SLC29A2: variants seen among roughly 807,000 people sequenced by gnomAD.
SLC29A2 encodes solute carrier family 29 member 2.
A neutral mutation model predicts 48.8 loss-of-function variants in SLC29A2; 37 were observed. That is an observed-to-expected ratio of 0.76 (90% CI 0.58 to 1.00). The LOEUF (loss-of-function observed/expected upper bound fraction) is 1.00. Among genes scored for constraint, SLC29A2 ranks in the 50% least tolerant of loss-of-function variants. SLC29A2 has a pLI of 0.00. For missense variants in SLC29A2, 533 were observed against 578.6 expected, an observed-to-expected ratio of 0.92 and a Z score of 0.81; for synonymous variants, 233 against 261.7, an observed-to-expected ratio of 0.89 and a Z score of 1.06.
chr11:66,364,100 C>T (rs776310098), intron 11 of SLC29A2, 125 bp downstream of exon 11: 22 of 822,754 alleles, frequency 2.7e-5, no homozygotes, highest in Non-Finnish European at 3.5e-5. Flanking sequence ...GCAAGGCCTG[C>T]AGACAGCTAG....
At chr11:66,368,180 G>C (rs1335720816) in intron 5 of SLC29A2, among the ~76,000 whole-genome samples, 1 of 152,172 alleles carries the variant, frequency 6.6e-6, no homozygotes, top group Non-Finnish European at 1.5e-5. Context: ...GCACAGAGAG[G>C]TGACAAGCCT....
chr11:66,368,770 G>T, intron 4 of SLC29A2, 99 bp from the exon 5 acceptor site: 1 of 1,494,178 alleles, frequency 6.7e-7, no homozygotes, highest in Non-Finnish European at 9.1e-7. Context: ...TCTGGACAAG[G>T]TTGCGCAGGT....
intron 4 of SLC29A2, 91 bp from the exon 5 acceptor site, chr11:66,368,762 T>C (rs959631878): frequency 1.6e-5 from 24 of 1,517,598 alleles, no homozygotes; most frequent in Non-Finnish European, 2.1e-5. Flanking sequence ...CAGGGGACTC[T>C]GGACAAGGTT....
At chr11:66,364,939 AG>A (rs1462615289) in intron 10 of SLC29A2, 15 of 154,172 alleles carry the variant, frequency 9.7e-5, no homozygotes, top group South Asian at 4.0e-4. Flanking sequence ...CTCGGATTTT[AG>A]GGGTTTTTTT....
chr11:66,369,422 C>T lies in SLC29A2; in HGVS notation c.222G>A (p.Leu74=). The change falls in exon 3 of 12, where the codon CTG becomes CTA. Residue 74 remains leucine (L), a synonymous_variant. Transcript: ENST00000357440. ...AFNFNNWVTL[L]SQLPLLLFTL... The stretch of plus-strand genomic sequence containing the variant: ...TGAAGAGCAGCAGGGGCAGCTGGGA[C>T]AGCAGCGTCACCCAATTGTTGAAGT... 1 of 1,614,098 alleles carries T rather than the reference C, an allele frequency of 6.2e-7. No individual in the cohort carries two copies. The highest frequency in any genetic ancestry group is 1.1e-5 in the South Asian group (1 of 91,086).
rs763071257 is a variant in SLC29A2, at chr11:66,363,400, C to G, written c.*36G>C. On this transcript the variant is annotated 3_prime_UTR_variant, in exon 12 of 12. Transcript: ENST00000357440. ...GGATCTCAGCTCCGGAAGGAGACGT[C>G]GAGAAGAGGCTGCCAAAGAGCCTGG... 2.0e-6 allele frequency: 3 copies of G among 1,512,058 alleles called. No homozygotes were observed. Among genetic ancestry groups the G allele is most frequent in the Non-Finnish European group, 1.8e-6 (2 of 1,088,594 alleles). The allele number at this position is 1,512,058 out of a possible 1,614,324, so 93.7% of individuals were successfully genotyped here. A position where few individuals can be genotyped will look rare whatever the true frequency, so the allele number is the denominator to read the frequency against.
At chr11:66,367,655 G>A (rs1053153591) in intron 6 of SLC29A2, 107 bp from the exon 7 acceptor site, 1 of 1,463,524 alleles carries the variant, frequency 6.8e-7, no homozygotes, top group Non-Finnish European at 9.6e-7. Context: ...GTCTTCTCTG[G>A]GGGTCAGGGC....
chr11:66,371,445 G>A, intron 1 of SLC29A2, 118 bp downstream of exon 1: 1 of 1,502,374 alleles, frequency 6.7e-7, no homozygotes, highest in Non-Finnish European at 9.1e-7. Flanking sequence ...TCCGGCGGCC[G>A]AGGGAGTCGG....
At position 66,371,550 on chromosome 11, in the gene SLC29A2, C is replaced by T. The variant is rs1453635640; in HGVS notation, c.29+13G>A. On this transcript the variant is annotated intron_variant, in intron 1 of 11. Transcript: ENST00000357440. ...CGCCCCCGGCCACTTGCAACGCACC[C>T]GGGCCCACTCACCTGTCCCGCGGGG... 1.3e-6 allele frequency: 2 copies of T among 1,550,134 alleles called. No individual in the cohort carries two copies. The highest frequency in any genetic ancestry group is 1.7e-6 in the Non-Finnish European group (2 of 1,147,624).
Position 66,369,071 on chromosome 11 carries a change from C to G in SLC29A2, c.404G>C (p.Cys135Ser). Residue 135 changes from cysteine to serine, a missense_variant, in exon 4 of 12, where the codon TGC (cysteine) becomes TCC (serine). Cys to Ser is a moderately radical substitution (Grantham distance 112). Transcript: ENST00000357440. ...PFFSITMASV[C>S]FINSFSAVLQ... is the part of the protein sequence containing the mutation. ...GTGGAGGTGCTCACAGTTGATGAAG[C>G]AGACGGAGGCCATGGTGATGGAGAA... The G allele has an allele frequency of 6.2e-7, 1 of 1,600,538 alleles. No homozygotes were observed. The highest frequency in any genetic ancestry group is 8.5e-7 in the Non-Finnish European group (1 of 1,173,824).
intron 5 of SLC29A2, among the ~76,000 whole-genome samples, chr11:66,368,282 C>A (rs1219672115): frequency 2.0e-5 from 3 of 152,142 alleles, no homozygotes; most frequent in Admixed American, 6.5e-5. Flanking sequence ...TCAACTTCAA[C>A]CTGCTGCCAC....
chr11:66,369,654 C>T, intron 2 of SLC29A2, 122 bp from the exon 3 acceptor site: 1 of 1,163,068 alleles, frequency 8.6e-7, no homozygotes, highest in South Asian at 1.3e-5. Context: ...TTGTTCTGTT[C>T]CCAGCAGCCG....
At chr11:66,368,846 G>A (rs1565221925) in intron 4 of SLC29A2, among the ~76,000 whole-genome samples, 175 bp from the exon 5 acceptor site, 1 of 152,228 alleles carries the variant, frequency 6.6e-6, no homozygotes. Flanking sequence ...CTTCTGAGGT[G>A]CAGCCATTGG....
chr11:66,368,730 G>C, intron 4 of SLC29A2, 59 bp from the exon 5 acceptor site: 1 of 1,561,758 alleles, frequency 6.4e-7, no homozygotes, highest in Non-Finnish European at 8.7e-7. Flanking sequence ...AGGCTCCCTG[G>C]AGGAGGTGCC....
Position 66,366,429 on chromosome 11 carries a change from A to G in SLC29A2, c.867+2T>C. 6.2e-7 allele frequency: 1 copy of G among 1,614,086 alleles called. No homozygotes were observed. Among genetic ancestry groups the G allele is most frequent in the Non-Finnish European group, 8.5e-7 (1 of 1,180,014 alleles). On this transcript the variant is annotated splice_donor_variant, in intron 8 of 11. Coordinates refer to ENST00000357440, the MANE Select transcript of SLC29A2 (RefSeq NM_001532.3). LOFTEE classifies it high-confidence loss of function. Reference sequence around the variant, plus strand: ...TGGTTGGGGGCTGTATCCAAGCCAAACCTTCTGGAAGACAGTGAAGACTGA... The same window carrying G: ...TGGTTGGGGGCTGTATCCAAGCCAAGCCTTCTGGAAGACAGTGAAGACTGA...
chr11:66,367,408 G>A (rs1010630841), intron 7 of SLC29A2, 56 bp downstream of exon 7: 1 of 1,457,534 alleles, frequency 6.9e-7, no homozygotes, highest in Non-Finnish European at 9.6e-7. Flanking sequence ...TCCCAGGGGA[G>A]GTGGCTCTAG....
In SLC29A2 at chr11:66,364,146, C is replaced by G. The variant is rs1855528457; in HGVS notation, c.1259+79G>C. 23 of 1,196,138 alleles carry G rather than the reference C, an allele frequency of 1.9e-5. 1 individual carries two copies. In the South Asian group the frequency reaches 3.0e-4, roughly 15 times the overall value. 74.1% of individuals were successfully genotyped at this position (1,196,138 alleles called of 1,614,324 possible). On this transcript the variant is annotated intron_variant, in intron 11 of 11. Transcript: ENST00000357440. Reference sequence around the variant, plus strand: ...GCCAGAAGCAGGATGGGCCGTCCCTCCATTGCAGGCGGTCCCTTCCCAAAG... The same window carrying G: ...GCCAGAAGCAGGATGGGCCGTCCCTGCATTGCAGGCGGTCCCTTCCCAAAG...
intron 4 of SLC29A2, 89 bp downstream of exon 4, chr11:66,368,963 TGCTGTCTG>T: frequency 6.9e-7 from 1 of 1,445,496 alleles, no homozygotes; most frequent in Admixed American, 2.0e-5. Flanking sequence ...GCGACCATGA[TGCTGTCTG>T]CCCTTCTCGG....
upstream of SLC29A2, chr11:66,372,035 A>T: frequency 4.7e-6 from 1 of 214,904 alleles, no homozygotes; most frequent in Non-Finnish European, 9.3e-6. Context: ...AGAGCTCTGT[A>T]GGGGCAGCAC....
Sources: allele counts gnomAD v4.1 joint callset (sites outside exome capture counted in the v4.1 genomes callset), GRCh38; gene constraint gnomAD v4.1.1; transcripts MANE v1.5; gene names NCBI Gene and HGNC (gene_info 2026-07-23, HGNC 2026-07-21).